TENM2: variants seen among roughly 807,000 people sequenced by gnomAD.
TENM2 encodes the protein teneurin transmembrane protein 2, also known as teneurin-2.
TENM2 carries 52 observed loss-of-function variants against 245.2 expected under a neutral mutation model. That is an observed-to-expected ratio of 0.21 (90% CI 0.17 to 0.27). TENM2 has a LOEUF of 0.27. TENM2 is among the 10% of genes least tolerant of loss of function. TENM2 has a pLI of 1.00. For missense variants in TENM2, 3,046 were observed against 3,666.8 expected, an observed-to-expected ratio of 0.83 and a Z score of 4.37; for synonymous variants, 1,363 against 1,438.9, an observed-to-expected ratio of 0.95 and a Z score of 1.19.
At chr5:167,694,413 C>G (rs889758888) in intron 2 of TENM2, among the ~76,000 whole-genome samples, 3 of 152,026 alleles carry the variant, frequency 2.0e-5, no homozygotes, top group African/African-American at 7.2e-5. Context: ...CAGAGCATCC[C>G]TTAAAATAGC....
chr5:167,417,194 G>C (rs561278519), intron 2 of TENM2, among the ~76,000 whole-genome samples: 24 of 152,174 alleles, frequency 1.6e-4, no homozygotes, highest in Admixed American at 1.3e-3. Flanking sequence ...TCATTTCTGT[G>C]TCCTTCCAGC....
chr5:167,863,596 A>G (rs1374605698), intron 2 of TENM2, among the ~76,000 whole-genome samples: 38 of 152,112 alleles, frequency 2.5e-4, no homozygotes. Flanking sequence ...GTGAGCTGAG[A>G]TTGTGCCACT....
At chr5:167,034,173 T>G in the TENM2 span, among the ~76,000 whole-genome samples, 1 of 152,220 alleles carries the variant, frequency 6.6e-6, no homozygotes, top group Non-Finnish European at 1.5e-5. Flanking sequence ...TATAATGCTC[T>G]ATATCAGAGT....
intron 2 of TENM2, among the ~76,000 whole-genome samples, chr5:167,678,698 C>G (rs933318857): frequency 6.6e-6 from 1 of 151,912 alleles, no homozygotes; most frequent in Non-Finnish European, 1.5e-5. Context: ...AAGAAGAAAC[C>G]CTTGGTGCCA....
At chr5:167,010,306 CT>C in the TENM2 span, among the ~76,000 whole-genome samples, 1 of 152,244 alleles carries the variant, frequency 6.6e-6, no homozygotes, top group African/African-American at 2.4e-5. Context: ...TTGCTTGAAC[CT>C]GGGAGGCAGA....
intron 2 of TENM2, among the ~76,000 whole-genome samples, chr5:167,407,968 T>C (rs1033927604): frequency 2.6e-5 from 4 of 152,176 alleles, no homozygotes; most frequent in African/African-American, 9.6e-5. Context: ...TGTCAGTATA[T>C]ACATTCTGAT....
chr5:167,708,324 A>G (rs1407887528), intron 2 of TENM2, among the ~76,000 whole-genome samples: 1 of 152,184 alleles, frequency 6.6e-6, no homozygotes, highest in African/African-American at 2.4e-5. Context: ...TCAAAATCAT[A>G]TATGCACTTT....
At chr5:167,704,377 A>G (rs1758362921) in intron 2 of TENM2, among the ~76,000 whole-genome samples, 1 of 152,160 alleles carries the variant, frequency 6.6e-6, no homozygotes, top group Non-Finnish European at 1.5e-5. Flanking sequence ...CAACCATGGC[A>G]CATCTTATCC....
chr5:167,747,532 C>T (rs963385259), intron 2 of TENM2, among the ~76,000 whole-genome samples: 1 of 152,208 alleles, frequency 6.6e-6, no homozygotes, highest in African/African-American at 2.4e-5. Flanking sequence ...TGTAATACCT[C>T]ACGCTGATAC....
the TENM2 span, among the ~76,000 whole-genome samples, chr5:167,028,328 C>T: frequency 6.6e-6 from 1 of 151,970 alleles, no homozygotes; most frequent in South Asian, 2.1e-4. Context: ...TTAGACAACT[C>T]TCTGTTTTCT....
At chr5:167,488,288 C>T (rs1282535979) in intron 2 of TENM2, among the ~76,000 whole-genome samples, 1 of 152,148 alleles carries the variant, frequency 6.6e-6, no homozygotes, top group Admixed American at 6.6e-5. Context: ...AGAACAATGT[C>T]TTGAAATCAT....
chr5:167,124,036 C>T, the TENM2 span, among the ~76,000 whole-genome samples: 1 of 152,336 alleles, frequency 6.6e-6, no homozygotes, highest in African/African-American at 2.4e-5. Context: ...CTGTATGACA[C>T]TGACCAGTAG....
the TENM2 span, among the ~76,000 whole-genome samples, chr5:167,132,808 A>G: frequency 6.6e-6 from 1 of 152,226 alleles, no homozygotes; most frequent in East Asian, 1.9e-4. Context: ...TTTTTAAAGC[A>G]CAACATGATA....
chr5:167,831,346 A>G (rs1355255948), intron 2 of TENM2, among the ~76,000 whole-genome samples: 1 of 152,160 alleles, frequency 6.6e-6, no homozygotes, highest in Non-Finnish European at 1.5e-5. Context: ...AAGTAGCCAA[A>G]TGGAAGACCC....
chr5:168,106,264 TC>T (rs1794232371), intron 9 of TENM2, among the ~76,000 whole-genome samples: 1 of 152,196 alleles, frequency 6.6e-6, no homozygotes, highest in Admixed American at 6.5e-5. Context: ...AAAACAGGAA[TC>T]TTGCCATTTT....
At position 167,872,292 on chromosome 5, in the gene TENM2, AAGAT is replaced by A. The variant is rs1377675693; in HGVS notation, c.503-3690_503-3687del. 2.5e-4 allele frequency among the ~76,000 whole-genome samples: 22 copies of A among 86,346 alleles called. No homozygotes were observed. The East Asian group carries it at 4.3e-3, about 17-fold the overall frequency. 56.6% of individuals were successfully genotyped at this position (86,346 alleles called of 152,430 possible). ...GTCAAAAAAGAAAAAAAGAAAGAGA[AAGAT>A]AGAAAGAAAGAAAGAAAGAAAGAAA... On this transcript the variant is annotated intron_variant, in intron 2 of 28. Transcript: ENST00000518659.
intron 2 of TENM2, among the ~76,000 whole-genome samples, chr5:167,575,342 G>A (rs977250452): frequency 2.0e-5 from 3 of 152,146 alleles, no homozygotes; most frequent in African/African-American, 7.2e-5. Flanking sequence ...TTCAGTACCT[G>A]TACTAGGTTT....
the TENM2 span, among the ~76,000 whole-genome samples, chr5:167,155,499 G>A: frequency 6.6e-6 from 1 of 152,138 alleles, no homozygotes; most frequent in African/African-American, 2.4e-5. Context: ...TTTTTAGCAG[G>A]GATCCTGTAG....
At chr5:167,118,515 C>T in the TENM2 span, among the ~76,000 whole-genome samples, 1 of 152,174 alleles carries the variant, frequency 6.6e-6, no homozygotes, top group Non-Finnish European at 1.5e-5. Flanking sequence ...TTTTGGAAAG[C>T]TCAGTTATAT....
Sources: gnomAD v4.1 joint callset for allele counts (sites outside exome capture counted in the v4.1 genomes callset) on GRCh38, gnomAD v4.1.1 for gene constraint, MANE v1.5 for transcripts, NCBI Gene and HGNC (gene_info 2026-07-23, HGNC 2026-07-21) for gene names.